CNTN1: variants seen among roughly 807,000 people sequenced by gnomAD.
CNTN1 encodes the protein contactin 1.
A neutral mutation model predicts 126.4 loss-of-function variants in CNTN1; 38 were observed. The observed-to-expected ratio is 0.30, with a 90% CI of 0.23 to 0.39. The LOEUF (loss-of-function observed/expected upper bound fraction) is 0.39. Ranked by LOEUF, CNTN1 falls within the 10% of genes least tolerant of loss-of-function variation. The probability of loss-of-function intolerance (pLI) is 1.00; values close to 1 mark genes in which losing one functional copy is unlikely to be tolerated. For synonymous variants in CNTN1, 413 were observed against 422.6 expected (o/e 0.98, Z 0.28); for missense variants, 1,009 against 1,248.4 (o/e 0.81, Z 2.89).
chr12:41,025,071 T>C (rs569618528), intron 20 of CNTN1, 79 bp from the exon 21 acceptor site: 37 of 1,357,054 alleles, frequency 2.7e-5, no homozygotes, highest in Non-Finnish European at 3.6e-5. Context: ...CCAATGGTAA[T>C]AGAACCAGTT....
intron 1 of CNTN1, among the ~76,000 whole-genome samples, chr12:40,776,344 C>A (rs1939576500): frequency 2.0e-5 from 3 of 151,522 alleles, no homozygotes; most frequent in Non-Finnish European, 4.4e-5. Flanking sequence ...TAAAATAGAT[C>A]AGTTTTGGGG....
At chr12:41,047,883 A>T (rs1949581590) in intron 23 of CNTN1, among the ~76,000 whole-genome samples, 1 of 151,574 alleles carries the variant, frequency 6.6e-6, no homozygotes, top group Non-Finnish European at 1.5e-5. Context: ...TCCTATCTTT[A>T]CTCTTACCTC....
At chr12:40,788,840 C>T (rs1483752185) in intron 1 of CNTN1, among the ~76,000 whole-genome samples, 3 of 152,092 alleles carry the variant, frequency 2.0e-5, no homozygotes, top group Non-Finnish European at 4.4e-5. Flanking sequence ...ATATATCATA[C>T]ATCGTGCTAT....
intron 3 of CNTN1, among the ~76,000 whole-genome samples, chr12:40,911,808 T>C (rs560486575): frequency 6.6e-6 from 1 of 152,158 alleles, no homozygotes; most frequent in South Asian, 2.1e-4. Flanking sequence ...ATGTCCAGAG[T>C]TGGGTCACAC....
intron 16 of CNTN1, among the ~76,000 whole-genome samples, chr12:40,983,469 G>A (rs753791399): frequency 1.6e-4 from 16 of 102,038 alleles, no homozygotes; most frequent in Non-Finnish European, 2.4e-4. Flanking sequence ...GATATTCACC[G>A]TGTGTGTGTG....
intron 1 of CNTN1, among the ~76,000 whole-genome samples, chr12:40,857,233 A>T (rs974098983): frequency 6.6e-6 from 1 of 151,922 alleles, no homozygotes; most frequent in Admixed American, 6.6e-5. Flanking sequence ...GTCAATTTTA[A>T]TAACAAATCT....
chr12:40,747,781 A>G (rs995921136), intron 1 of CNTN1, among the ~76,000 whole-genome samples: 3 of 152,176 alleles, frequency 2.0e-5, no homozygotes, highest in Admixed American at 2.0e-4. Context: ...TGATGCCAAA[A>G]AAAAGTGTTT....
chr12:40,742,733 T>C (rs1219269071), intron 1 of CNTN1, among the ~76,000 whole-genome samples: 2 of 152,048 alleles, frequency 1.3e-5, no homozygotes, highest in African/African-American at 4.8e-5. Context: ...AATTCTCTTA[T>C]AAGGCCTTAT....
intron 15 of CNTN1, among the ~76,000 whole-genome samples, chr12:40,975,179 TA>T (rs775744426): frequency 0.76 from 95,117 of 125,412 alleles, 32,533 homozygotes; most frequent in Admixed American, 0.78. Flanking sequence ...TAAAATGGAT[TA>T]TATATATATA....
intron 3 of CNTN1, among the ~76,000 whole-genome samples, chr12:40,911,485 T>C (rs1945035134): frequency 6.6e-6 from 1 of 152,190 alleles, no homozygotes; most frequent in Admixed American, 6.5e-5. Context: ...ATTCACTAAG[T>C]ATTTTTTAAA....
chr12:40,759,297 G>T (rs1256301663), intron 1 of CNTN1, among the ~76,000 whole-genome samples: 2 of 152,140 alleles, frequency 1.3e-5, no homozygotes, highest in Non-Finnish European at 2.9e-5. Context: ...AGTTCTGATT[G>T]GTTGATAGAA....
At chr12:40,694,546 T>C (rs539559168) in intron 1 of CNTN1, among the ~76,000 whole-genome samples, 19 of 152,336 alleles carry the variant, frequency 1.2e-4, no homozygotes, top group African/African-American at 4.1e-4. Flanking sequence ...CTTCCCAGGA[T>C]TTTTGGTCCT....
intron 1 of CNTN1, among the ~76,000 whole-genome samples, chr12:40,740,772 C>T (rs986864648): frequency 2.0e-5 from 3 of 151,938 alleles, no homozygotes; most frequent in Admixed American, 6.6e-5. Flanking sequence ...ATGTTGTTCT[C>T]GTGATACTGA....
chr12:41,022,767 G>A (rs1302834258), intron 20 of CNTN1, among the ~76,000 whole-genome samples: 2 of 152,180 alleles, frequency 1.3e-5, no homozygotes, highest in Non-Finnish European at 2.9e-5. Context: ...TGAAGAACTT[G>A]AGGATTAGAA....
intron 19 of CNTN1, among the ~76,000 whole-genome samples, chr12:41,017,336 C>T (rs149170261): frequency 4.3e-5 from 6 of 139,456 alleles, no homozygotes; most frequent in Non-Finnish European, 9.0e-5. Flanking sequence ...CTTTGGGAGG[C>T]GGAGGCAGGC....
At chr12:40,732,940 A>C (rs1303106644) in intron 1 of CNTN1, among the ~76,000 whole-genome samples, 8 of 151,986 alleles carry the variant, frequency 5.3e-5, no homozygotes, top group Admixed American at 5.3e-4. Flanking sequence ...GTATATTTTA[A>C]TTAGCTGCAA....
chr12:40,990,214 G>T (rs1338876474), intron 16 of CNTN1, among the ~76,000 whole-genome samples: 2 of 152,128 alleles, frequency 1.3e-5, no homozygotes, highest in East Asian at 3.8e-4. Context: ...TCAAGAAGAA[G>T]AATAATTGGG....
At chr12:40,895,666 G>A (rs1250276856) in intron 1 of CNTN1, among the ~76,000 whole-genome samples, 6 of 151,970 alleles carry the variant, frequency 3.9e-5, no homozygotes, top group African/African-American at 1.5e-4. Flanking sequence ...TGTCATGTTA[G>A]GGAATGTTTC....
intron 23 of CNTN1, among the ~76,000 whole-genome samples, chr12:41,029,962 A>G (rs940285649): frequency 9.2e-5 from 14 of 151,798 alleles, no homozygotes; most frequent in African/African-American, 3.4e-4. Flanking sequence ...TTCTTAACCT[A>G]TATGCATGAT....
Sources: gnomAD v4.1 joint callset for allele counts (sites outside exome capture counted in the v4.1 genomes callset) on GRCh38, gnomAD v4.1.1 for gene constraint, MANE v1.5 for transcripts, NCBI Gene and HGNC (gene_info 2026-07-23, HGNC 2026-07-21) for gene names.